Variants in MYRFL observed in about 807,000 individuals in gnomAD.
MYRFL encodes the protein myelin regulatory factor like.
In MYRFL, 88 loss-of-function variants were observed where a neutral mutation model predicts 109.4. The observed-to-expected ratio is 0.80, with a 90% CI of 0.68 to 0.96. MYRFL has a LOEUF of 0.96. Ranked by LOEUF, MYRFL falls within the 40% of genes least tolerant of loss-of-function variation. MYRFL has a pLI of 0.00. For missense variants in MYRFL, 957 were observed against 954.9 expected, an observed-to-expected ratio of 1.00 and a Z score of -0.03; for synonymous variants, 324 against 320.9, an observed-to-expected ratio of 1.01 and a Z score of -0.10.
At chr12:69,832,757 C>T (rs1301129492) in intron 1 of MYRFL, among the ~76,000 whole-genome samples, 3 of 151,928 alleles carry the variant, frequency 2.0e-5, no homozygotes, top group Non-Finnish European at 4.4e-5. Context: ...TAGAAAATGA[C>T]ATTAGAGTTT....
At chr12:69,859,095 G>C (rs550781704) in intron 2 of MYRFL, among the ~76,000 whole-genome samples, 2 of 151,660 alleles carry the variant, frequency 1.3e-5, no homozygotes, top group Non-Finnish European at 2.9e-5. Flanking sequence ...AATTTTATTT[G>C]ACTTTCTTTG....
intron 14 of MYRFL, 22 bp from the exon 15 acceptor site, chr12:69,927,663 C>T: frequency 2.0e-6 from 3 of 1,522,864 alleles, no homozygotes; most frequent in Admixed American, 2.0e-5. Context: ...GAATAGTAAC[C>T]AATTTTCTCT....
chr12:69,830,136 T>C (rs1306451989), intron 1 of MYRFL, among the ~76,000 whole-genome samples: 1 of 152,018 alleles, frequency 6.6e-6, no homozygotes, highest in African/African-American at 2.4e-5. Context: ...TCATAGAACA[T>C]TGAAACTGTC....
chr12:69,851,585 C>A (rs1234327171), intron 1 of MYRFL, among the ~76,000 whole-genome samples: 2 of 152,176 alleles, frequency 1.3e-5, no homozygotes, highest in Non-Finnish European at 1.5e-5. Context: ...ACCAAGGAAT[C>A]AACATTAACA....
Position 69,946,489 on chromosome 12 carries a change from T to C in MYRFL, c.2225-5624T>C, listed in dbSNP as rs1955843528. 2.6e-5 allele frequency: 4 copies of C among 152,206 alleles called. 1 individual carries two copies. The South Asian group carries it at 8.3e-4, about 32-fold the overall frequency. The allele number at this position is 152,206 out of a possible 1,614,324, so 9.4% of individuals were successfully genotyped here. On this transcript the variant is annotated intron_variant, in intron 19 of 24. Coordinates refer to ENST00000552032, the MANE Select transcript of MYRFL (RefSeq NM_182530.3). ...TGACTTTTTGGCCCCGAGAATCCAC[T>C]ATAAGCCTACTTTTACAATGATGTG... is the stretch of plus-strand genomic sequence containing the variant.
chr12:69,954,232 C>T (rs1175340660), intron 21 of MYRFL, among the ~76,000 whole-genome samples: 1 of 152,076 alleles, frequency 6.6e-6, no homozygotes, highest in Non-Finnish European at 1.5e-5. Context: ...TCCCCAAATA[C>T]CAATTTTTCA....
intron 1 of MYRFL, among the ~76,000 whole-genome samples, chr12:69,830,982 A>T (rs1232953854): frequency 1.3e-5 from 2 of 152,162 alleles, no homozygotes; most frequent in Non-Finnish European, 2.9e-5. Flanking sequence ...TGGAAGCTAA[A>T]CATTCAATAC....
intron 5 of MYRFL, among the ~76,000 whole-genome samples, chr12:69,885,816 T>G (rs943879306): frequency 3.3e-5 from 5 of 152,208 alleles, no homozygotes; most frequent in African/African-American, 1.2e-4. Flanking sequence ...CAAGATTTTC[T>G]CTGTTACTTT....
In MYRFL at chr12:69,952,849, A is replaced by G; in HGVS notation, c.2338A>G (p.Ile780Val). The change falls in exon 21 of 25, where the codon ATA becomes GTA. Residue 780 changes from isoleucine to valine, a missense_variant. Transcript: ENST00000552032. ...SIQIMEIQQI[I>V]DHQYCIQSLQ... The stretch of plus-strand genomic sequence containing the variant: ...TCAGATTATGGAAATCCAGCAAATA[A>G]TAGATCATCAGTATTGCATTCAAAG... The G allele has an allele frequency of 2.0e-6, 3 of 1,535,786 alleles. No homozygotes were observed. Among genetic ancestry groups the G allele is most frequent in the South Asian group, 2.4e-5 (2 of 83,990 alleles).
At chr12:69,837,590 C>T (rs1228954286) in intron 1 of MYRFL, among the ~76,000 whole-genome samples, 1 of 152,218 alleles carries the variant, frequency 6.6e-6, no homozygotes, top group Admixed American at 6.5e-5. Context: ...CCATCTCCTT[C>T]ATCCAGATGA....
chr12:69,936,443 T>A lies in MYRFL; in HGVS notation c.2045-10T>A, dbSNP rs564274677. ...CTTGCTTCCCCTCCCCCCTGCCCAA[T>A]GCCTTGCAGCACCTAATACATCCCT... On this transcript the variant is annotated splice_polypyrimidine_tract_variant and intron_variant, in intron 18 of 24. Coordinates refer to ENST00000552032, the MANE Select transcript of MYRFL (RefSeq NM_182530.3). The A allele has an allele frequency of 3.9e-6, 6 of 1,533,086 alleles. No homozygotes were observed. Among genetic ancestry groups the A allele is most frequent in the South Asian group, 3.6e-5 (3 of 83,764 alleles). The allele number at this position is 1,533,086 out of a possible 1,614,324, so 95.0% of individuals were successfully genotyped here. A position where few individuals can be genotyped will look rare whatever the true frequency, so the allele number is the denominator to read the frequency against.
intron 13 of MYRFL, 102 bp from the exon 14 acceptor site, chr12:69,926,469 T>G: frequency 9.9e-7 from 1 of 1,010,272 alleles, no homozygotes; most frequent in Non-Finnish European, 1.3e-6. Flanking sequence ...TCTGTAACCA[T>G]TTTCAACAGT....
chr12:69,861,864 G>C (rs1162310019), intron 2 of MYRFL, among the ~76,000 whole-genome samples: 1 of 151,546 alleles, frequency 6.6e-6, no homozygotes, highest in Non-Finnish European at 1.5e-5. Flanking sequence ...TTTTCTTCTA[G>C]GGTTTTTATG....
At chr12:69,957,392 A>ATAAG (rs1201173465) in intron 22 of MYRFL, among the ~76,000 whole-genome samples, 2 of 152,208 alleles carry the variant, frequency 1.3e-5, no homozygotes, top group Non-Finnish European at 2.9e-5. Flanking sequence ...ACATATGGAG[A>ATAAG]TAAGTTTTGA....
chr12:69,867,855 T>G (rs1047077354), intron 2 of MYRFL, among the ~76,000 whole-genome samples: 2 of 152,182 alleles, frequency 1.3e-5, no homozygotes, highest in Admixed American at 1.3e-4. Flanking sequence ...CAAACTGATA[T>G]AATAAGAGAA....
chr12:69,939,737 A>G (rs983364892), intron 19 of MYRFL, among the ~76,000 whole-genome samples: 3 of 152,022 alleles, frequency 2.0e-5, no homozygotes, highest in Non-Finnish European at 1.5e-5. Context: ...AGACGATCAA[A>G]TTACTCTGAG....
At chr12:69,892,450 G>A (rs528426711) in intron 7 of MYRFL, among the ~76,000 whole-genome samples, 19 of 152,128 alleles carry the variant, frequency 1.2e-4, no homozygotes, top group African/African-American at 3.1e-4. Flanking sequence ...TCGCTCTGTC[G>A]CCTAGACTGG....
intron 13 of MYRFL, among the ~76,000 whole-genome samples, chr12:69,925,146 A>G (rs1955035553): frequency 1.3e-5 from 2 of 152,152 alleles, no homozygotes; most frequent in Admixed American, 1.3e-4. Flanking sequence ...CTGGGGAGAT[A>G]CTGGGTATGA....
rs529914582 is a variant in MYRFL, at chr12:69,847,491, A to G, written c.47-7789A>G. On this transcript the variant is annotated intron_variant, in intron 1 of 24. Transcript: ENST00000552032. ...ACATTTAAAGAATAAAACAAGTATAAAGAAGAGAAAACAAAACAAAGCACT... is the reference window on the plus strand; with the variant it reads ...ACATTTAAAGAATAAAACAAGTATAGAGAAGAGAAAACAAAACAAAGCACT... Among the ~76,000 whole-genome samples the G allele has an allele frequency of 1.1e-4, 17 of 152,360 alleles. No homozygotes were observed. The South Asian group carries it at 3.1e-3, about 28-fold the overall frequency.
Sources: allele counts gnomAD v4.1 joint callset (sites outside exome capture counted in the v4.1 genomes callset), GRCh38; gene constraint gnomAD v4.1.1; transcripts MANE v1.5; gene names NCBI Gene and HGNC (gene_info 2026-07-23, HGNC 2026-07-21).